Variants in LRRC4C observed in about 807,000 individuals in gnomAD.
LRRC4C encodes the protein leucine-rich repeat-containing protein 4C.
Under a neutral mutation model 33.6 loss-of-function variants are expected in LRRC4C, and 5 were observed. The observed-to-expected ratio is 0.15, with a 90% CI of 0.08 to 0.31. LRRC4C has a LOEUF of 0.31. Among genes scored for constraint, LRRC4C ranks in the 10% least tolerant of loss-of-function variants. The pLI, the probability that LRRC4C is intolerant of heterozygous loss-of-function variation, is 1.00. For missense variants in LRRC4C, 560 were observed against 796.7 expected, an observed-to-expected ratio of 0.70 and a Z score of 3.58; for synonymous variants, 329 against 302.0, an observed-to-expected ratio of 1.09 and a Z score of -0.93.
At chr11:40,731,183 G>A (rs1432240940) in intron 2 of LRRC4C, among the ~76,000 whole-genome samples, 1 of 151,818 alleles carries the variant, frequency 6.6e-6, no homozygotes, top group African/African-American at 2.4e-5. Flanking sequence ...GCCGGGCGTG[G>A]TGGCAAGTGC....
intron 1 of LRRC4C, among the ~76,000 whole-genome samples, chr11:41,200,716 CT>C (rs1231469506): frequency 3.3e-5 from 5 of 152,174 alleles, no homozygotes; most frequent in African/African-American, 1.2e-4. Context: ...CTGTTATTCT[CT>C]GTGGCCAAAA....
chr11:40,336,958 C>A (rs779767195), intron 3 of LRRC4C, among the ~76,000 whole-genome samples: 3 of 111,784 alleles, frequency 2.7e-5, no homozygotes, highest in African/African-American at 7.7e-5. Context: ...GCCTGGGGGA[C>A]AGAGCGAGAC....
At chr11:40,863,076 A>T (rs1414663856) in intron 2 of LRRC4C, among the ~76,000 whole-genome samples, 1 of 152,250 alleles carries the variant, frequency 6.6e-6, no homozygotes, top group African/African-American at 2.4e-5. Context: ...GCAAGGAGGA[A>T]GATGGAATTA....
At chr11:41,077,094 T>C (rs1256281480) in intron 1 of LRRC4C, among the ~76,000 whole-genome samples, 2 of 152,230 alleles carry the variant, frequency 1.3e-5, no homozygotes, top group East Asian at 3.9e-4. Flanking sequence ...TGTGCAGCTC[T>C]GCCCCTGTCA....
intron 3 of LRRC4C, among the ~76,000 whole-genome samples, chr11:40,645,399 G>T (rs1025477032): frequency 1.1e-4 from 16 of 152,070 alleles, no homozygotes; most frequent in Non-Finnish European, 1.0e-4. Context: ...GCTTTGAGAT[G>T]CTGGGTCTCG....
intron 3 of LRRC4C, among the ~76,000 whole-genome samples, chr11:40,624,261 C>T (rs939772962): frequency 2.6e-5 from 4 of 152,078 alleles, no homozygotes; most frequent in Non-Finnish European, 4.4e-5. Flanking sequence ...TTTAGTGATG[C>T]AGAAAATTAT....
intron 1 of LRRC4C, among the ~76,000 whole-genome samples, chr11:41,140,413 T>C (rs1943451599): frequency 8.6e-6 from 1 of 115,740 alleles, no homozygotes; most frequent in African/African-American, 3.0e-5. Flanking sequence ...AGCTGAACTG[T>C]TTTATTCCTA....
chr11:41,085,433 T>C (rs1478536015), intron 1 of LRRC4C, among the ~76,000 whole-genome samples: 1 of 152,212 alleles, frequency 6.6e-6, no homozygotes, highest in Non-Finnish European at 1.5e-5. Context: ...TAGTGAGAGT[T>C]AATATTGACT....
intron 2 of LRRC4C, among the ~76,000 whole-genome samples, chr11:40,739,839 T>C (rs935602393): frequency 6.6e-6 from 1 of 152,022 alleles, no homozygotes; most frequent in East Asian, 1.9e-4. Flanking sequence ...AAACCTCTTT[T>C]CTTTATGGAT....
chr11:40,897,431 C>T (rs1261057755), intron 2 of LRRC4C, among the ~76,000 whole-genome samples: 4 of 152,240 alleles, frequency 2.6e-5, no homozygotes, highest in South Asian at 2.1e-4. Flanking sequence ...AAATTAATGG[C>T]TCTGCCCATT....
intron 1 of LRRC4C, among the ~76,000 whole-genome samples, chr11:41,034,062 T>C (rs1856884907): frequency 6.6e-6 from 1 of 152,122 alleles, no homozygotes; most frequent in Non-Finnish European, 1.5e-5. Context: ...TCATCATTTT[T>C]GTTGACACAT....
chr11:40,209,989 A>G (rs1239429673), intron 5 of LRRC4C, among the ~76,000 whole-genome samples: 1 of 152,208 alleles, frequency 6.6e-6, no homozygotes, highest in African/African-American at 2.4e-5. Flanking sequence ...ACACTTGGAT[A>G]GTACAGGATC....
At chr11:40,267,303 C>G (rs990033319) in intron 4 of LRRC4C, among the ~76,000 whole-genome samples, 3 of 152,074 alleles carry the variant, frequency 2.0e-5, no homozygotes, top group African/African-American at 7.2e-5. Context: ...TAATTCATTT[C>G]ACACATTGAA....
chr11:40,154,697 T>C (rs993777215), intron 5 of LRRC4C, among the ~76,000 whole-genome samples: 1 of 152,178 alleles, frequency 6.6e-6, no homozygotes. Context: ...AACTCCCAAA[T>C]TTATACAACA....
At chr11:41,427,771 A>ATT (rs1955091515) in intron 1 of LRRC4C, among the ~76,000 whole-genome samples, 1 of 152,128 alleles carries the variant, frequency 6.6e-6, no homozygotes, top group Admixed American at 6.6e-5. Context: ...AAGAAATGAA[A>ATT]TTTAAATGGC....
At chr11:41,304,786 G>A (rs1950427799) in intron 1 of LRRC4C, among the ~76,000 whole-genome samples, 2 of 99,448 alleles carry the variant, frequency 2.0e-5, no homozygotes, top group African/African-American at 4.2e-5. Flanking sequence ...TCAGCCCCCC[G>A]CCCGGCCAGC....
intron 3 of LRRC4C, among the ~76,000 whole-genome samples, chr11:40,588,662 C>T (rs1166209640): frequency 6.6e-5 from 10 of 152,024 alleles, no homozygotes; most frequent in South Asian, 6.3e-4. Flanking sequence ...GTCCCAGAGA[C>T]TCTGGTATGT....
intron 1 of LRRC4C, among the ~76,000 whole-genome samples, chr11:41,338,200 C>A (rs185321054): frequency 1.3e-5 from 2 of 152,260 alleles, no homozygotes; most frequent in African/African-American, 4.8e-5. Flanking sequence ...TGGGTATATA[C>A]CCAGAGGAAT....
chr11:40,493,865 C>T (rs929262885), intron 3 of LRRC4C, among the ~76,000 whole-genome samples: 4 of 152,238 alleles, frequency 2.6e-5, no homozygotes, highest in Non-Finnish European at 5.9e-5. Flanking sequence ...CCTAAATCTA[C>T]TGTTTACTGT....
Sources: gnomAD v4.1 joint callset for allele counts (sites outside exome capture counted in the v4.1 genomes callset) on GRCh38, gnomAD v4.1.1 for gene constraint, MANE v1.5 for transcripts, NCBI Gene and HGNC (gene_info 2026-07-23, HGNC 2026-07-21) for gene names.